PTPRT: variants seen among roughly 807,000 people sequenced by gnomAD.
The protein encoded by PTPRT is receptor-type tyrosine-protein phosphatase T.
A neutral mutation model predicts 176.8 loss-of-function variants in PTPRT; 56 were observed. The ratio of observed to expected loss-of-function variants is 0.32; its 90% CI spans 0.26 to 0.40. PTPRT has a LOEUF of 0.40. Ranked by LOEUF, PTPRT falls within the 10% of genes least tolerant of loss-of-function variation. The pLI, the probability that PTPRT is intolerant of heterozygous loss-of-function variation, is 1.00. For synonymous variants in PTPRT, 783 were observed against 739.0 expected, an observed-to-expected ratio of 1.06 and a Z score of -0.96; for missense variants, 1,540 against 1,908.2, an observed-to-expected ratio of 0.81 and a Z score of 3.60.
rs112055563 is a variant in PTPRT at position 42,908,288 on chromosome 20, G to A, written c.89-22356C>T. 2.3e-3 allele frequency among the ~76,000 whole-genome samples: 356 copies of A among 152,166 alleles called. 1 individual carries two copies. The highest frequency in any genetic ancestry group is 7.9e-3 in the African/African-American group (328 of 41,512). On this transcript the variant is annotated intron_variant, in intron 1 of 30. Coordinates refer to ENST00000373187, the MANE Select transcript of PTPRT (RefSeq NM_007050.6). ...AATAATAATAGCCACCCAGAAGCAC[G>A]TCTGAATTTTTATAGCCCGAATCTT...
intron 7 of PTPRT, among the ~76,000 whole-genome samples, chr20:42,657,343 C>G (rs2075143253): frequency 6.6e-6 from 1 of 152,158 alleles, no homozygotes; most frequent in Admixed American, 6.5e-5. Flanking sequence ...ACCTCTTACT[C>G]AATCCTTCAG....
intron 9 of PTPRT, among the ~76,000 whole-genome samples, chr20:42,442,827 A>G (rs1016044706): frequency 4.6e-5 from 7 of 152,204 alleles, no homozygotes; most frequent in Non-Finnish European, 8.8e-5. Flanking sequence ...AAGGGTTTTT[A>G]GACAACTGTT....
intron 7 of PTPRT, among the ~76,000 whole-genome samples, chr20:42,586,842 G>C (rs2073479416): frequency 6.6e-6 from 1 of 152,146 alleles, no homozygotes; most frequent in South Asian, 2.1e-4. Flanking sequence ...GTGACCTTTT[G>C]TGGCCCACTG....
chr20:42,582,553 A>T (rs751939218), intron 7 of PTPRT, among the ~76,000 whole-genome samples: 8 of 152,210 alleles, frequency 5.3e-5, no homozygotes, highest in Non-Finnish European at 8.8e-5. Flanking sequence ...ACGTGGGTTG[A>T]GCCAGTTCAG....
intron 7 of PTPRT, among the ~76,000 whole-genome samples, chr20:42,637,445 C>A (rs1286721395): frequency 6.6e-6 from 1 of 152,086 alleles, no homozygotes; most frequent in Non-Finnish European, 1.5e-5. Context: ...CTTGTTCCCC[C>A]CTCACATCCT....
chr20:42,059,340 A>G, the PTPRT span, among the ~76,000 whole-genome samples: 17 of 152,162 alleles, frequency 1.1e-4, no homozygotes, highest in African/African-American at 4.1e-4. Context: ...TGGTATGTGT[A>G]AGCATGTCTG....
In PTPRT at chr20:42,199,259, A is replaced by G. The variant is rs1991352990; in HGVS notation, c.2472T>C (p.Ser824=). The change falls in exon 16 of 31, where the codon TCT becomes TCC. Residue 824 remains serine, a synonymous_variant. Transcript: ENST00000373187. ...ACTTACTGAATCCGTTGACGTCCTG[A>G]GAACTAGAAGAGAAGCCTTCATCAT... is the stretch of plus-strand genomic sequence containing the variant. ...SRNDEGFSSS[S]QDVNGFTDGS... The G allele has an allele frequency of 6.2e-7, 1 of 1,613,946 alleles. No individual in the cohort carries two copies.
intron 15 of PTPRT, among the ~76,000 whole-genome samples, chr20:42,223,203 CTAA>C (rs1457716064): frequency 2.0e-5 from 3 of 152,122 alleles, no homozygotes; most frequent in Non-Finnish European, 2.9e-5. Flanking sequence ...ATAAAATATA[CTAA>C]TAATAACTAC....
At chr20:42,362,895 C>G (rs1338706192) in intron 9 of PTPRT, among the ~76,000 whole-genome samples, 1 of 151,830 alleles carries the variant, frequency 6.6e-6, no homozygotes, top group South Asian at 2.1e-4. Flanking sequence ...CATCTGGGGT[C>G]AGGAGTTCGA....
intron 1 of PTPRT, among the ~76,000 whole-genome samples, chr20:42,959,051 G>A (rs1413359850): frequency 6.6e-6 from 1 of 152,124 alleles, no homozygotes; most frequent in Non-Finnish European, 1.5e-5. Flanking sequence ...TTTATAGAAT[G>A]TAACTTAATT....
intron 17 of PTPRT, among the ~76,000 whole-genome samples, chr20:42,144,411 G>A (rs1988771031): frequency 6.6e-6 from 1 of 152,148 alleles, no homozygotes. Context: ...AGCTGATGTT[G>A]AATAGGAAGT....
intron 6 of PTPRT, among the ~76,000 whole-genome samples, chr20:42,695,867 A>G (rs1386276387): frequency 6.6e-6 from 1 of 152,204 alleles, no homozygotes; most frequent in African/African-American, 2.4e-5. Context: ...GCATAAGACC[A>G]TCACTGCTGT....
chr20:42,329,963 T>C (rs1022465416), intron 11 of PTPRT, among the ~76,000 whole-genome samples: 3 of 152,226 alleles, frequency 2.0e-5, no homozygotes, highest in African/African-American at 7.2e-5. Context: ...TAGTATCATA[T>C]TTTTAATTGA....
At chr20:42,711,624 A>G (rs942349820) in intron 6 of PTPRT, among the ~76,000 whole-genome samples, 1 of 152,184 alleles carries the variant, frequency 6.6e-6, no homozygotes, top group African/African-American at 2.4e-5. Flanking sequence ...TCTTTTCTTT[A>G]TAAATTTTTC....
intron 1 of PTPRT, among the ~76,000 whole-genome samples, chr20:43,105,260 C>T (rs1386047857): frequency 2.0e-5 from 3 of 152,188 alleles, no homozygotes; most frequent in African/African-American, 2.4e-5. Flanking sequence ...GTGATTCTGA[C>T]GCATGCTAAG....
intron 13 of PTPRT, among the ~76,000 whole-genome samples, chr20:42,265,565 G>C (rs2056825608): frequency 6.6e-6 from 1 of 151,910 alleles, no homozygotes; most frequent in Non-Finnish European, 1.5e-5. Context: ...CTCCTGACAG[G>C]CTGTGCCCCT....
intron 2 of PTPRT, among the ~76,000 whole-genome samples, chr20:42,854,766 CCT>C (rs1172961039): frequency 6.6e-6 from 1 of 152,208 alleles, no homozygotes; most frequent in Non-Finnish European, 1.5e-5. Context: ...CTGCTTGCTT[CCT>C]CTCTGCCCAG....
chr20:43,035,139 C>A (rs963816066), intron 1 of PTPRT, among the ~76,000 whole-genome samples: 1 of 152,146 alleles, frequency 6.6e-6, no homozygotes, highest in Non-Finnish European at 1.5e-5. Flanking sequence ...GAAGTGAGAA[C>A]AGGCCCCTCG....
chr20:42,472,025 G>T (rs2071206702), intron 8 of PTPRT, among the ~76,000 whole-genome samples: 1 of 152,128 alleles, frequency 6.6e-6, no homozygotes, highest in Non-Finnish European at 1.5e-5. Context: ...AGGGATGGGG[G>T]TACAAAAGGG....
Sources: allele counts gnomAD v4.1 joint callset (sites outside exome capture counted in the v4.1 genomes callset), GRCh38; gene constraint gnomAD v4.1.1; transcripts MANE v1.5; gene names NCBI Gene and HGNC (gene_info 2026-07-23, HGNC 2026-07-21).